The following PLXNA4 variants were observed in gnomAD, a reference collection of about 807,000 sequenced individuals.
The protein encoded by PLXNA4 is plexin A4.
In PLXNA4, 44 loss-of-function variants were observed where a neutral mutation model predicts 191.8. The observed-to-expected ratio is 0.23, with a 90% CI of 0.18 to 0.29. The LOEUF is 0.29. Ranked by LOEUF, PLXNA4 falls within the 10% of genes least tolerant of loss-of-function variation. PLXNA4 has a pLI of 1.00. For missense variants in PLXNA4, 1,800 were observed against 2,488.8 expected (o/e 0.72, Z 5.89); for synonymous variants, 1,082 against 1,009.5 (o/e 1.07, Z -1.36).
At chr7:132,378,925 C>T (rs1465753123) in intron 3 of PLXNA4, among the ~76,000 whole-genome samples, 1 of 147,602 alleles carries the variant, frequency 6.8e-6, no homozygotes, top group African/African-American at 2.5e-5. Context: ...GATCTTGGCT[C>T]ACTACAACCT....
chr7:132,176,576 G>A (rs1293834883), intron 20 of PLXNA4, among the ~76,000 whole-genome samples: 1 of 150,294 alleles, frequency 6.7e-6, no homozygotes, highest in African/African-American at 2.5e-5. Flanking sequence ...GAGTGTGTGA[G>A]TATGACAGTG....
chr7:132,555,824 C>G (rs1175825299), intron 1 of PLXNA4, among the ~76,000 whole-genome samples: 1 of 152,104 alleles, frequency 6.6e-6, no homozygotes, highest in African/African-American at 2.4e-5. Context: ...GGGCTGGTGA[C>G]TTAGCCTTTG....
Position 132,228,390 on chromosome 7 carries a change from TC to T in PLXNA4, c.1683del (p.Thr562ArgfsTer83). 1 of 1,614,098 alleles carries T rather than the reference TC, an allele frequency of 6.2e-7. No homozygotes were observed. Among genetic ancestry groups the T allele is most frequent in the East Asian group, 2.2e-5 (1 of 44,868 alleles). On this transcript the variant is annotated frameshift_variant, in exon 6 of 32. Coordinates refer to ENST00000321063, the MANE Select transcript of PLXNA4 (RefSeq NM_020911.2). LOFTEE classifies it high-confidence loss of function. ...FASEMKQCVR[L>X]TVHPNNISVS... is the part of the protein sequence containing the mutation. ...ACGGAGATATTGTTGGGATGGACCG[TC>T]AGCCGGACACACTGCTTCATCTCCG...
At chr7:132,413,328 C>A (rs993868640) in intron 3 of PLXNA4, among the ~76,000 whole-genome samples, 1 of 152,112 alleles carries the variant, frequency 6.6e-6, no homozygotes, top group Non-Finnish European at 1.5e-5. Context: ...ACTGGCTGGG[C>A]CTCCTGTCTC....
chr7:132,233,373 T>C (rs1584879230), intron 5 of PLXNA4, among the ~76,000 whole-genome samples: 1 of 152,190 alleles, frequency 6.6e-6, no homozygotes, highest in Non-Finnish European at 1.5e-5. Flanking sequence ...AAGAGGTTTC[T>C]TATATGTAGG....
intron 3 of PLXNA4, among the ~76,000 whole-genome samples, chr7:132,383,266 C>T (rs1356536291): frequency 6.6e-6 from 1 of 152,168 alleles, no homozygotes; most frequent in Non-Finnish European, 1.5e-5. Flanking sequence ...AATTAGCTGG[C>T]TGGCTGCACA....
chr7:132,555,741 TG>T (rs1395974760), intron 1 of PLXNA4, among the ~76,000 whole-genome samples: 1 of 151,846 alleles, frequency 6.6e-6, no homozygotes, highest in Admixed American at 6.6e-5. Flanking sequence ...TTAAACAGAG[TG>T]GTATAATGTA....
At chr7:132,605,863 T>C (rs947107548) in intron 2 of PLXNA4, among the ~76,000 whole-genome samples, 1 of 152,104 alleles carries the variant, frequency 6.6e-6, no homozygotes, top group Admixed American at 6.6e-5. Flanking sequence ...AGGCAGAGAC[T>C]GGAGCCATGC....
At chr7:132,426,460 C>T (rs1795051284) in intron 3 of PLXNA4, among the ~76,000 whole-genome samples, 1 of 152,234 alleles carries the variant, frequency 6.6e-6, no homozygotes, top group East Asian at 1.9e-4. Flanking sequence ...GTCATGCCCA[C>T]CTGACACTAG....
At chr7:132,502,150 C>A (rs528186821) in intron 2 of PLXNA4, among the ~76,000 whole-genome samples, 64 of 152,308 alleles carry the variant, frequency 4.2e-4, no homozygotes, top group African/African-American at 1.4e-3. Flanking sequence ...TGCTCACTTT[C>A]GTGGAGTTTC....
chr7:132,204,656 C>T (rs1201914547), intron 10 of PLXNA4, among the ~76,000 whole-genome samples: 1 of 152,140 alleles, frequency 6.6e-6, no homozygotes, highest in Non-Finnish European at 1.5e-5. Context: ...CCAAGTTGGC[C>T]ATGGCACCTT....
intron 5 of PLXNA4, among the ~76,000 whole-genome samples, chr7:132,232,959 A>T (rs1299457352): frequency 6.6e-6 from 1 of 152,170 alleles, no homozygotes; most frequent in African/African-American, 2.4e-5. Context: ...GCTCTCTAGC[A>T]TGTGTTTACC....
chr7:132,143,429 T>A (rs910982913), intron 29 of PLXNA4, among the ~76,000 whole-genome samples: 2 of 152,190 alleles, frequency 1.3e-5, no homozygotes, highest in Non-Finnish European at 2.9e-5. Context: ...TGAAAACAAA[T>A]GGTTTAGATA....
intron 3 of PLXNA4, among the ~76,000 whole-genome samples, chr7:132,368,369 C>T (rs557731189): frequency 2.6e-4 from 40 of 152,244 alleles, no homozygotes; most frequent in South Asian, 8.3e-4. Context: ...TGGGGAGGGA[C>T]GCGGCTGCAC....
At chr7:132,212,275 A>G (rs1406231361) in intron 9 of PLXNA4, among the ~76,000 whole-genome samples, 3 of 152,086 alleles carry the variant, frequency 2.0e-5, no homozygotes, top group East Asian at 1.9e-4. Context: ...GCACCTTAAC[A>G]CTTGTCCTCA....
At chr7:132,352,147 C>T (rs533178001) in intron 3 of PLXNA4, among the ~76,000 whole-genome samples, 2 of 152,306 alleles carry the variant, frequency 1.3e-5, no homozygotes, top group East Asian at 3.9e-4. Context: ...TCACAGCTTC[C>T]CCACTTCCCC....
Position 132,541,965 on chromosome 7 carries a change from G to A in PLXNA4, c.-86-33186C>T, listed in dbSNP as rs1800106643. On this transcript the variant is annotated intron_variant, in intron 1 of 31. Coordinates refer to ENST00000321063, the MANE Select transcript of PLXNA4 (RefSeq NM_020911.2). ...GCGAATCACTTCCTCTAGATGAAAT[G>A]GGCTTTACATACAAATTATAACAGT... 3.3e-5 allele frequency among the ~76,000 whole-genome samples: 5 copies of A among 152,138 alleles called. No individual in the cohort carries two copies. In the South Asian group the frequency reaches 1.0e-3, roughly 32 times the overall value.
At chr7:132,525,679 CT>C (rs771374771) in intron 1 of PLXNA4, among the ~76,000 whole-genome samples, 1 of 152,146 alleles carries the variant, frequency 6.6e-6, no homozygotes, top group African/African-American at 2.4e-5. Context: ...CCTGTCAAGC[CT>C]TTTTGGGTGA....
intron 1 of PLXNA4, among the ~76,000 whole-genome samples, chr7:132,565,478 T>C (rs1268262096): frequency 6.6e-6 from 1 of 152,244 alleles, no homozygotes; most frequent in Non-Finnish European, 1.5e-5. Context: ...AATGATTTCC[T>C]ATTACACCGC....
Sources: gnomAD v4.1 joint callset for allele counts (sites outside exome capture counted in the v4.1 genomes callset) on GRCh38, gnomAD v4.1.1 for gene constraint, MANE v1.5 for transcripts, NCBI Gene and HGNC (gene_info 2026-07-23, HGNC 2026-07-21) for gene names.